The following BICRA variants were observed in gnomAD, a reference collection of about 807,000 sequenced individuals.
The protein encoded by BICRA is BRD4 interacting chromatin remodeling complex associated protein.
BICRA carries 31 observed loss-of-function variants against 96.9 expected under a neutral mutation model. The ratio of observed to expected loss-of-function variants is 0.32; its 90% CI spans 0.24 to 0.43. The LOEUF is 0.43. Ranked by LOEUF, BICRA falls within the 20% of genes least tolerant of loss-of-function variation. The probability of loss-of-function intolerance (pLI) is 1.00; values close to 1 mark genes in which losing one functional copy is unlikely to be tolerated. For synonymous variants in BICRA, 1,350 were observed against 1,071.8 expected (o/e 1.26, Z -5.07); for missense variants, 2,283 against 2,190.3 (o/e 1.04, Z -0.84).
At chr19:47,664,109 T>G (rs910233297) in intron 1 of BICRA, among the ~76,000 whole-genome samples, 1 of 152,166 alleles carries the variant, frequency 6.6e-6, no homozygotes, top group Non-Finnish European at 1.5e-5. Context: ...ACAGATAGAC[T>G]TTGCCACATC....
rs892809620 is a variant in BICRA, at chr19:47,694,001, G to T, written c.2284-114G>T. ...GGCTCCTCTCTCAGGATGGGTGTGG[G>T]CTAGGAAGGGGGCTTCTGGCGGGGA... On this transcript the variant is annotated intron_variant, in intron 7 of 14. Transcript: ENST00000594866. The T allele has an allele frequency of 3.1e-6, 4 of 1,282,560 alleles. No homozygotes were observed. In the Admixed American group the frequency reaches 8.8e-5, roughly 28 times the overall value. The allele number at this position is 1,282,560 out of a possible 1,614,324, so 79.4% of individuals were successfully genotyped here.
intron 7 of BICRA, among the ~76,000 whole-genome samples, chr19:47,688,620 C>T (rs1441623348): frequency 6.6e-6 from 1 of 151,680 alleles, no homozygotes; most frequent in Non-Finnish European, 1.5e-5. Context: ...GAAACCCCGT[C>T]TCTACTAAAA....
Position 47,685,789 on chromosome 19 carries a change from G to GCA in BICRA, c.2283+3638_2283+3639insAC, listed in dbSNP as rs1476962897. 5.9e-5 allele frequency among the ~76,000 whole-genome samples: 7 copies of GCA among 117,886 alleles called. No individual in the cohort carries two copies. The East Asian group carries it at 1.5e-3, about 25-fold the overall frequency. 77.3% of individuals were successfully genotyped at this position (117,886 alleles called of 152,430 possible). A position where few individuals can be genotyped will look rare whatever the true frequency, so the allele number is the denominator to read the frequency against. ...TGTGTGTGTGTGTGTGTGTGTGTGC[G>GCA]CGCGCGCGCGCATGCGTACATTTTC... On this transcript the variant is annotated intron_variant, in intron 7 of 14. Coordinates refer to ENST00000594866, the MANE Select transcript of BICRA (RefSeq NM_001394372.1).
rs1299416836 is a variant in BICRA, at chr19:47,702,131, C to T, written c.4399C>T (p.Pro1467Ser). 5 of 1,536,066 alleles carry T rather than the reference C, an allele frequency of 3.3e-6. No homozygotes were observed. The highest frequency in any genetic ancestry group is 4.4e-6 in the Non-Finnish European group (5 of 1,148,762). The change falls in exon 15 of 15, where the codon CCC becomes TCC. Residue 1467 changes from proline to serine, a missense_variant. Pro to Ser is a moderately conservative substitution (Grantham distance 74, BLOSUM62 -1). Coordinates refer to ENST00000594866, the MANE Select transcript of BICRA (RefSeq NM_001394372.1). ...CACCGGGGACCCCGACTGGGAGGCG[C>T]CCGGGCTGCCCCCTGCCAAGCGGCG... ...QGTGDPDWEA[P>S]GLPPAKRRKS...
At chr19:47,692,995 C>G (rs1973263660) in intron 7 of BICRA, among the ~76,000 whole-genome samples, 1 of 152,230 alleles carries the variant, frequency 6.6e-6, no homozygotes, top group East Asian at 1.9e-4. Context: ...GTTTTGGAGC[C>G]TTGGCCTCAG....
chr19:47,695,393 C>G lies in BICRA; in HGVS notation c.3105C>G (p.Asn1035Lys), dbSNP rs1018256177. Residue 1035 changes from asparagine (N) to lysine (K), a missense_variant, in exon 10 of 15, where the codon AAC (asparagine) becomes AAG (lysine). Transcript: ENST00000594866. ...TGLPPLLPAE[N>K]KAFASNLPTL... is the part of the protein sequence containing the mutation. The stretch of plus-strand genomic sequence containing the variant: ...TCCCTCCTCTGCTTCCAGCCGAGAA[C>G]AAGGCTTTTGCCAGCAACCTCCCGA... 13 of 1,556,828 alleles carry G rather than the reference C, an allele frequency of 8.4e-6. No individual in the cohort carries two copies. The highest frequency in any genetic ancestry group is 4.7e-5 in the East Asian group (2 of 42,340).
At chr19:47,686,452 CGGCT>C (rs1229894606) in intron 7 of BICRA, among the ~76,000 whole-genome samples, 1 of 150,316 alleles carries the variant, frequency 6.7e-6, no homozygotes, top group African/African-American at 2.4e-5. Flanking sequence ...GGCACTATCT[CGGCT>C]CACTGCAACC....
chr19:47,659,408 G>A (rs965919025), intron 1 of BICRA, among the ~76,000 whole-genome samples: 4 of 152,114 alleles, frequency 2.6e-5, no homozygotes, highest in Admixed American at 2.0e-4. Flanking sequence ...CTTTAAAATA[G>A]ACACATCATG....
At chr19:47,690,275 T>G (rs186457836) in intron 7 of BICRA, among the ~76,000 whole-genome samples, 34 of 152,322 alleles carry the variant, frequency 2.2e-4, no homozygotes, top group Middle Eastern at 3.4e-3. Context: ...GTGCTGGGAT[T>G]ACAGGTGTGA....
intron 1 of BICRA, among the ~76,000 whole-genome samples, chr19:47,628,897 C>T (rs374082732): frequency 3.3e-5 from 5 of 152,052 alleles, no homozygotes; most frequent in South Asian, 2.1e-4. Context: ...TGTGAGCCAC[C>T]GCACCTGGCC....
chr19:47,680,675 C>T lies in BICRA; in HGVS notation c.1505C>T (p.Ala502Val). Reference protein sequence around the residue: ...NVGGQILAAAAPHTGGQLIAN... With the variant: ...NVGGQILAAAVPHTGGQLIAN... The stretch of plus-strand genomic sequence containing the variant: ...GGCGGGCAGATCCTGGCGGCCGCTG[C>T]CCCCCACACAGGTGGACAGCTCATC... The change falls in exon 6 of 15, where the codon GCC becomes GTC. Residue 502 changes from alanine to valine, a missense_variant. Coordinates refer to ENST00000594866, the MANE Select transcript of BICRA (RefSeq NM_001394372.1). 6.2e-7 allele frequency: 1 copy of T among 1,603,392 alleles called. No homozygotes were observed. Among genetic ancestry groups the T allele is most frequent in the Non-Finnish European group, 8.5e-7 (1 of 1,175,184 alleles).
rs193110012 is a variant in BICRA, at chr19:47,649,180, A to C, written c.-107-21263A>C. Among the ~76,000 whole-genome samples, 13 of 151,662 alleles carry C rather than the reference A, an allele frequency of 8.6e-5. No homozygotes were observed. In the East Asian group the frequency reaches 2.5e-3, roughly 29 times the overall value. ...TTTTGTATTTTTAGTAGAAATGGGG[A>C]TTCTCCATGTTGGCCAGGCTGGTCT... On this transcript the variant is annotated intron_variant, in intron 1 of 14. Coordinates refer to ENST00000594866, the MANE Select transcript of BICRA (RefSeq NM_001394372.1).
intron 1 of BICRA, among the ~76,000 whole-genome samples, chr19:47,611,446 CG>C (rs1260169239): frequency 5.3e-5 from 8 of 152,190 alleles, no homozygotes; most frequent in Non-Finnish European, 1.0e-4. Flanking sequence ...GTGATGGGCT[CG>C]GGGTACCTGG....
intron 1 of BICRA, among the ~76,000 whole-genome samples, chr19:47,642,175 C>A (rs1972394564): frequency 6.6e-6 from 1 of 152,156 alleles, no homozygotes; most frequent in South Asian, 2.1e-4. Flanking sequence ...TTATGTGTAC[C>A]AGTAGTTCAT....
chr19:47,688,960 T>A (rs1402564203), intron 7 of BICRA, among the ~76,000 whole-genome samples: 1 of 151,898 alleles, frequency 6.6e-6, no homozygotes, highest in Non-Finnish European at 1.5e-5. Flanking sequence ...CCAAGTAACT[T>A]GGATTTACAG....
intron 1 of BICRA, among the ~76,000 whole-genome samples, chr19:47,657,711 G>A (rs1199180353): frequency 6.6e-6 from 1 of 152,094 alleles, no homozygotes; most frequent in African/African-American, 2.4e-5. Flanking sequence ...GAAAATTTTT[G>A]TACAGGTGCT....
In BICRA at chr19:47,694,736, G is replaced by A; in HGVS notation, c.2895+10G>A. On this transcript the variant is annotated intron_variant, in intron 8 of 14. Coordinates refer to ENST00000594866, the MANE Select transcript of BICRA (RefSeq NM_001394372.1). Reference sequence around the variant, plus strand: ...CGAGAGATTTCACCAGGTAACGGGAGGCAGGGACTGCCCGCCCCATCAGCC... The same window carrying A: ...CGAGAGATTTCACCAGGTAACGGGAAGCAGGGACTGCCCGCCCCATCAGCC... The A allele has an allele frequency of 1.5e-6, 2 of 1,360,326 alleles. No individual in the cohort carries two copies. Among genetic ancestry groups the A allele is most frequent in the South Asian group, 2.6e-5 (2 of 77,332 alleles). 84.3% of individuals were successfully genotyped at this position (1,360,326 alleles called of 1,614,324 possible).
intron 1 of BICRA, among the ~76,000 whole-genome samples, chr19:47,639,870 C>T (rs1028636738): frequency 6.6e-6 from 1 of 151,836 alleles, no homozygotes; most frequent in African/African-American, 2.4e-5. Flanking sequence ...TCTCAAATTC[C>T]TGGTCTCAGG....
At chr19:47,639,959 C>T (rs374897324) in intron 1 of BICRA, among the ~76,000 whole-genome samples, 2 of 152,106 alleles carry the variant, frequency 1.3e-5, no homozygotes, top group African/African-American at 4.8e-5. Context: ...TTCTTTCTAA[C>T]AACATATCAA....
Sources: gnomAD v4.1 joint callset for allele counts (sites outside exome capture counted in the v4.1 genomes callset) on GRCh38, gnomAD v4.1.1 for gene constraint, MANE v1.5 for transcripts, NCBI Gene and HGNC (gene_info 2026-07-23, HGNC 2026-07-21) for gene names.